OTUD7B: variants seen among roughly 807,000 people sequenced by gnomAD.
OTUD7B encodes OTU deubiquitinase 7B, also known as OTU domain-containing protein 7B.
OTUD7B carries 34 observed loss-of-function variants against 82.2 expected under a neutral mutation model. That is an observed-to-expected ratio of 0.41 (90% CI 0.31 to 0.55). The LOEUF is 0.55. Ranked by LOEUF, OTUD7B falls within the 20% of genes least tolerant of loss-of-function variation. The pLI is 0.20. For synonymous variants in OTUD7B, 398 were observed against 402.7 expected (o/e 0.99, Z 0.14); for missense variants, 944 against 1,062.1 (o/e 0.89, Z 1.55).
intron 3 of OTUD7B, 113 bp from the exon 4 acceptor site, chr1:149,967,634 T>G (rs1553776929): frequency 1.5e-6 from 1 of 677,242 alleles, no homozygotes; most frequent in Non-Finnish European, 2.3e-6. Flanking sequence ...AAAAACTAAG[T>G]CTAACTGACT....
chr1:150,014,084 G>GTGTGTGTA (rs1336267152), upstream of OTUD7B, among the ~76,000 whole-genome samples: 207 of 30,342 alleles, frequency 6.8e-3, 1 homozygote, highest in East Asian at 0.076. Flanking sequence ...GTGTGTGTGT[G>GTGTGTGTA]TATATATATA....
intron 2 of OTUD7B, among the ~76,000 whole-genome samples, chr1:149,975,005 T>A (rs1296042034): frequency 6.6e-6 from 1 of 152,082 alleles, no homozygotes. Context: ...CTAGAGCCCC[T>A]ATTTTCTGCT....
At chr1:150,010,894 C>T (rs368296567), upstream of OTUD7B, among the ~76,000 whole-genome samples, 1 of 152,172 alleles carries the variant, frequency 6.6e-6, no homozygotes, top group Admixed American at 6.5e-5. Flanking sequence ...GCGCGTGACC[C>T]CGTGTTTTCC....
intron 11 of OTUD7B, 22 bp from the exon 12 acceptor site, chr1:149,945,087 T>C (rs1389717498): frequency 1.9e-6 from 3 of 1,602,838 alleles, no homozygotes; most frequent in Non-Finnish European, 2.6e-6. Context: ...AAGAACACTG[T>C]TGACAGTTAT....
At chr1:149,971,700 T>C (rs1181733612) in intron 2 of OTUD7B, among the ~76,000 whole-genome samples, 2 of 152,284 alleles carry the variant, frequency 1.3e-5, no homozygotes, top group East Asian at 3.9e-4. Context: ...AACCTGCATA[T>C]AAGATCATGG....
chr1:149,983,837 T>C (rs1553780305), intron 1 of OTUD7B, among the ~76,000 whole-genome samples: 1 of 152,166 alleles, frequency 6.6e-6, no homozygotes, highest in Admixed American at 6.5e-5. Flanking sequence ...AGGGAGAGAA[T>C]TGATTAGAAA....
At chr1:150,036,054 G>A in the OTUD7B span, among the ~76,000 whole-genome samples, 1 of 148,464 alleles carries the variant, frequency 6.7e-6, no homozygotes, top group African/African-American at 2.5e-5. Context: ...CCGGGCTCAA[G>A]CGATCTTCCC....
chr1:150,025,750 A>G, the OTUD7B span, among the ~76,000 whole-genome samples: 1 of 152,152 alleles, frequency 6.6e-6, no homozygotes, highest in Non-Finnish European at 1.5e-5. Context: ...AGACAAATAC[A>G]TTATGTCTAA....
At chr1:150,032,819 G>C in the OTUD7B span, among the ~76,000 whole-genome samples, 6 of 152,158 alleles carry the variant, frequency 3.9e-5, no homozygotes, top group Admixed American at 3.9e-4. Flanking sequence ...ATTTAATCGT[G>C]TCTTGGCCAA....
chr1:150,034,133 T>A, the OTUD7B span, among the ~76,000 whole-genome samples: 1 of 152,236 alleles, frequency 6.6e-6, no homozygotes, highest in South Asian at 2.1e-4. Flanking sequence ...CCCAAGCTAG[T>A]TTAACTCCAA....
At chr1:149,966,543 A>G (rs1286755290) in intron 4 of OTUD7B, among the ~76,000 whole-genome samples, 1 of 152,222 alleles carries the variant, frequency 6.6e-6, no homozygotes, top group Non-Finnish European at 1.5e-5. Context: ...ATCCAAGAAA[A>G]TAAGTCTTAA....
Position 149,946,635 on chromosome 1 carries a change from G to A in OTUD7B, c.1323+616C>T, listed in dbSNP as rs587676084. Among the ~76,000 whole-genome samples the A allele has an allele frequency of 1.6e-3, 240 of 148,908 alleles. 1 individual carries two copies. The highest frequency in any genetic ancestry group is 5.7e-3 in the African/African-American group (229 of 40,324). On this transcript the variant is annotated intron_variant, in intron 11 of 11. Coordinates refer to ENST00000581312, the MANE Select transcript of OTUD7B (RefSeq NM_020205.4). ...CGCACGTCTGTAATCCCAGCTACTCGTGAGGCTGATGCAGGAGAATCACTT... is the reference window on the plus strand; with the variant it reads ...CGCACGTCTGTAATCCCAGCTACTCATGAGGCTGATGCAGGAGAATCACTT...
rs185212102 is a variant in OTUD7B, at chr1:149,942,026, A to G, written c.*1831T>C. On this transcript the variant is annotated 3_prime_UTR_variant, in exon 12 of 12. Transcript: ENST00000581312. Reference sequence around the variant, plus strand: ...GTGACTTCTGAGTTTGTTGAGGAGAAAATAACCTTTATAAACCGTGAGCAT... The same window carrying G: ...GTGACTTCTGAGTTTGTTGAGGAGAGAATAACCTTTATAAACCGTGAGCAT... 48 of 152,544 alleles carry G rather than the reference A, an allele frequency of 3.1e-4. No homozygotes were observed. The highest frequency in any genetic ancestry group is 1.3e-3 in the Admixed American group (20 of 15,304). The allele number at this position is 152,544 out of a possible 1,614,324, so 9.4% of individuals were successfully genotyped here.
chr1:149,948,403 A>G (rs1571592295), intron 10 of OTUD7B, among the ~76,000 whole-genome samples: 1 of 135,826 alleles, frequency 7.4e-6, no homozygotes, highest in East Asian at 2.2e-4. Context: ...ACAGACTCTC[A>G]CTCTGTTGCC....
intron 4 of OTUD7B, 84 bp downstream of exon 4, chr1:149,967,210 T>C (rs1363241262): frequency 8.0e-6 from 7 of 880,108 alleles, no homozygotes; most frequent in African/African-American, 1.7e-5. Flanking sequence ...AACTGGAAGC[T>C]AGCGATCAAG....
chr1:149,987,976 A>G (rs1270585484), intron 1 of OTUD7B, among the ~76,000 whole-genome samples: 2 of 152,008 alleles, frequency 1.3e-5, no homozygotes, highest in Admixed American at 6.6e-5. Context: ...TAATCTACCA[A>G]TCCTACCTCC....
At chr1:149,983,120 G>T (rs1438117620) in intron 1 of OTUD7B, among the ~76,000 whole-genome samples, 1 of 152,126 alleles carries the variant, frequency 6.6e-6, no homozygotes, top group Non-Finnish European at 1.5e-5. Flanking sequence ...CTCCCAAAGT[G>T]CTGGGATTAC....
At chr1:149,947,400 G>A in intron 10 of OTUD7B, 65 bp from the exon 11 acceptor site, 1 of 990,568 alleles carries the variant, frequency 1.0e-6, no homozygotes, top group Non-Finnish European at 1.6e-6. Flanking sequence ...GATATAGTTG[G>A]GAGAAAGGGT....
Position 149,944,191 on chromosome 1 carries a change from T to G in OTUD7B, c.2198A>C (p.Gln733Pro), listed in dbSNP as rs1453888364. Residue 733 changes from glutamine to proline, a missense_variant, in exon 12 of 12, where the codon CAG (glutamine) becomes CCG (proline). This residue lies in a region of OTUD7B where 412 missense variants were observed against 418.7 expected (regional missense o/e 0.98). Coordinates refer to ENST00000581312, the MANE Select transcript of OTUD7B (RefSeq NM_020205.4). ...GLPPYATFPR[Q>P]CPPGRPYPHQ... ...GGGGTAGGGTCGCCCAGGAGGGCACTGTCTGGGGAAGGTGGCATATGGTGG... is the reference window on the plus strand; with the variant it reads ...GGGGTAGGGTCGCCCAGGAGGGCACGGTCTGGGGAAGGTGGCATATGGTGG... 6.2e-7 allele frequency: 1 copy of G among 1,613,766 alleles called. No homozygotes were observed. Among genetic ancestry groups the G allele is most frequent in the African/African-American group, 1.3e-5 (1 of 75,022 alleles).
Sources: allele counts gnomAD v4.1 joint callset (sites outside exome capture counted in the v4.1 genomes callset), GRCh38; gene constraint gnomAD v4.1.1; regional missense constraint gnomAD v4.1.1; transcripts MANE v1.5; gene names NCBI Gene and HGNC (gene_info 2026-07-23, HGNC 2026-07-21).